Variants in LYST observed in about 807,000 individuals in gnomAD.
The protein encoded by LYST is lysosomal-trafficking regulator.
In LYST, 192 loss-of-function variants were observed where a neutral mutation model predicts 413.6. The ratio of observed to expected loss-of-function variants is 0.46; its 90% CI spans 0.41 to 0.52. The LOEUF (loss-of-function observed/expected upper bound fraction) is 0.52, where lower values mean the gene tolerates loss of function less well. Ranked by LOEUF, LYST falls within the 20% of genes least tolerant of loss-of-function variation. The pLI, the probability that LYST is intolerant of heterozygous loss-of-function variation, is 0.00. For missense variants in LYST, 3,815 were observed against 4,499.9 expected (o/e 0.85, Z 4.35); for synonymous variants, 1,525 against 1,567.3 (o/e 0.97, Z 0.64).
intron 1 of LYST, among the ~76,000 whole-genome samples, chr1:235,861,172 T>C (rs1046774583): frequency 2.0e-5 from 3 of 152,218 alleles, no homozygotes; most frequent in African/African-American, 4.8e-5. Flanking sequence ...TCAGTTAAAA[T>C]AGTGAAAAGC....
chr1:235,741,474 T>A lies in LYST; in HGVS notation c.8306A>T (p.His2769Leu). 1 of 1,614,192 alleles carries A rather than the reference T, an allele frequency of 6.2e-7. No individual in the cohort carries two copies. Among genetic ancestry groups the A allele is most frequent in the Non-Finnish European group, 8.5e-7 (1 of 1,180,016 alleles). ...TAGTATTTCCTGATGATTTGGTTCA[T>A]GAACTATTTCAAAAATTTGCTTTCT... Reference protein sequence around the residue: ...QERKQIFEIVHEPNHQEILRD... With the variant: ...QERKQIFEIVLEPNHQEILRD... The change falls in exon 31 of 53, where the codon CAT becomes CTT. Residue 2769 changes from histidine to leucine, a missense_variant. Physicochemically the swap from His to Leu is moderately conservative, Grantham distance 99 (BLOSUM62 -3). Transcript: ENST00000389793.
Position 235,788,878 on chromosome 1 carries a change from A to G in LYST, c.4544-33T>C, listed in dbSNP as rs775014189. 1.4e-5 allele frequency: 23 copies of G among 1,603,872 alleles called. No homozygotes were observed. In the Admixed American group the frequency reaches 2.8e-4, roughly 20 times the overall value. On this transcript the variant is annotated intron_variant, in intron 12 of 52. Transcript: ENST00000389793. ...AAAAAGATGTTAGAATGATCAGTAA[A>G]ATGGTTCGTAACAACTGAGTAGAAA...
upstream of LYST, among the ~76,000 whole-genome samples, chr1:235,870,401 C>T (rs1246266082): frequency 1.3e-5 from 2 of 152,204 alleles, no homozygotes; most frequent in Admixed American, 1.3e-4. Context: ...GAGCTGCAAC[C>T]AACCCAGTTG....
chr1:235,677,599 C>T lies in LYST; in HGVS notation c.10821G>A (p.Glu3607=). 12 of 1,612,716 alleles carry T rather than the reference C, an allele frequency of 7.4e-6. No homozygotes were observed. Among genetic ancestry groups the T allele is most frequent in the East Asian group, 2.2e-5 (1 of 44,752 alleles). ...TSSTPSEIEM[E]TQIHLYGHTE... ...TGTGACCATAGAGATGTATTTGAGT[C>T]TCCATTTCTATTTCTGATGGCTGAA... is the stretch of plus-strand genomic sequence containing the variant. Residue 3607 remains glutamate (E), a synonymous_variant, in exon 49 of 53, where the codon GAG becomes GAA. Transcript: ENST00000389793.
At chr1:235,775,182 A>C (rs1669111641) in intron 17 of LYST, 96 bp from the exon 18 acceptor site, 1 of 888,568 alleles carries the variant, frequency 1.1e-6, no homozygotes, top group South Asian at 1.4e-5. Context: ...TCAATCCATT[A>C]GTTTCTACAA....
chr1:235,843,770 C>A lies in LYST; in HGVS notation c.-97-10103G>T, dbSNP rs1273017149. Among the ~76,000 whole-genome samples, 8 of 151,908 alleles carry A rather than the reference C, an allele frequency of 5.3e-5. No homozygotes were observed. The East Asian group carries it at 1.5e-3, about 29-fold the overall frequency. On this transcript the variant is annotated intron_variant, in intron 1 of 52. Transcript: ENST00000389793. ...AAAAAGAAGTAAAAGGAAAAAACAA[C>A]AAAAAAGGTTATAATAATGATATTT... is the stretch of plus-strand genomic sequence containing the variant.
In LYST at chr1:235,712,035, T is replaced by G. The variant is rs1476151020; in HGVS notation, c.9925+22A>C. The G allele has an allele frequency of 4.0e-6, 6 of 1,500,556 alleles. No homozygotes were observed. The Admixed American group carries it at 8.6e-5, about 22-fold the overall frequency. 93.0% of individuals were successfully genotyped at this position (1,500,556 alleles called of 1,614,324 possible). The stretch of plus-strand genomic sequence containing the variant: ...ACCACAAGCCCTCAGAAATATAAAT[T>G]AAAAATAATTTATTGCTATACCTTC... On this transcript the variant is annotated intron_variant, in intron 43 of 52. Transcript: ENST00000389793.
At chr1:235,732,139 T>G (rs1289868510) in intron 34 of LYST, among the ~76,000 whole-genome samples, 2 of 152,136 alleles carry the variant, frequency 1.3e-5, no homozygotes, top group Non-Finnish European at 2.9e-5. Context: ...ATAACTTGCC[T>G]TATTTTACTG....
chr1:235,851,693 T>C (rs185780352), intron 1 of LYST, among the ~76,000 whole-genome samples: 1 of 152,148 alleles, frequency 6.6e-6, no homozygotes, highest in East Asian at 1.9e-4. Flanking sequence ...ATCTATTTTA[T>C]AGTGGATAAT....
intron 3 of LYST, chr1:235,827,457 C>G (rs905479004): frequency 1.0e-6 from 1 of 982,618 alleles, no homozygotes; most frequent in Admixed American, 6.1e-5. Flanking sequence ...AAGAAGTGCT[C>G]CTATTCATGA....
intron 1 of LYST, among the ~76,000 whole-genome samples, chr1:235,872,692 T>C (rs1359042992): frequency 6.6e-6 from 1 of 151,914 alleles, no homozygotes; most frequent in Non-Finnish European, 1.5e-5. Flanking sequence ...AGGTGGGCAG[T>C]TCACTTGAGT....
intron 30 of LYST, among the ~76,000 whole-genome samples, chr1:235,743,634 C>T (rs536209719): frequency 6.6e-6 from 1 of 152,094 alleles, no homozygotes; most frequent in Non-Finnish European, 1.5e-5. Flanking sequence ...GAGTAAGTAG[C>T]CATAAATACA....
intron 47 of LYST, 109 bp from the exon 48 acceptor site, chr1:235,687,156 A>G (rs1660282830): frequency 2.5e-6 from 2 of 792,426 alleles, no homozygotes; most frequent in East Asian, 2.8e-5. Context: ...TCTGACAACT[A>G]TTTTTTTTAA....
intron 28 of LYST, among the ~76,000 whole-genome samples, chr1:235,748,722 T>C (rs931991104): frequency 6.6e-6 from 1 of 152,176 alleles, no homozygotes; most frequent in Non-Finnish European, 1.5e-5. Context: ...AAGATTAATC[T>C]GACAATAAAA....
At chr1:235,833,244 T>C (rs1676192626) in intron 2 of LYST, among the ~76,000 whole-genome samples, 2 of 151,552 alleles carry the variant, frequency 1.3e-5, no homozygotes, top group Admixed American at 1.3e-4. Context: ...ACTGAAGAGA[T>C]GATTGCACGG....
chr1:235,665,480 C>T (rs547065168), intron 50 of LYST, among the ~76,000 whole-genome samples: 5 of 151,650 alleles, frequency 3.3e-5, no homozygotes, highest in Non-Finnish European at 5.9e-5. Flanking sequence ...GGGGTGGTGG[C>T]GGGCGCCTGT....
chr1:235,754,727 A>G (rs1317652487), intron 25 of LYST, among the ~76,000 whole-genome samples: 1 of 152,146 alleles, frequency 6.6e-6, no homozygotes, highest in East Asian at 1.9e-4. Context: ...GATTTTTTCT[A>G]AAGGTGACCA....
intron 30 of LYST, 40 bp from the exon 31 acceptor site, chr1:235,741,668 G>A: frequency 7.0e-7 from 1 of 1,425,216 alleles, no homozygotes; most frequent in Non-Finnish European, 9.9e-7. Context: ...GGATCAGACT[G>A]CTTAAGCAAT....
chr1:235,787,109 T>C lies in LYST; in HGVS notation c.4862+91A>G. The stretch of plus-strand genomic sequence containing the variant: ...TTTTATTATAGTAAAAACCTAGAAG[T>C]TTCTGTATTCTGTTTCAGAAGCTAT... On this transcript the variant is annotated intron_variant, in intron 14 of 52. Transcript: ENST00000389793. 3 of 973,226 alleles carry C rather than the reference T, an allele frequency of 3.1e-6. No individual in the cohort carries two copies. In the South Asian group the frequency reaches 4.2e-5, roughly 14 times the overall value. The allele number at this position is 973,226 out of a possible 1,614,324, so 60.3% of individuals were successfully genotyped here. A position where few individuals can be genotyped will look rare whatever the true frequency, so the allele number is the denominator to read the frequency against.
Sources: allele counts gnomAD v4.1 joint callset (sites outside exome capture counted in the v4.1 genomes callset), GRCh38; gene constraint gnomAD v4.1.1; transcripts MANE v1.5; gene names NCBI Gene and HGNC (gene_info 2026-07-23, HGNC 2026-07-21).